ARHGAP31: variants seen among roughly 807,000 people sequenced by gnomAD.
The protein encoded by ARHGAP31 is Rho GTPase activating protein 31, also known as rho GTPase-activating protein 31.
ARHGAP31 carries 34 observed loss-of-function variants against 113.9 expected under a neutral mutation model. The observed-to-expected ratio is 0.30, with a 90% CI of 0.23 to 0.40. The LOEUF (loss-of-function observed/expected upper bound fraction) is 0.40. ARHGAP31 is among the 10% of genes least tolerant of loss of function. The pLI is 1.00. For missense variants in ARHGAP31, 1,548 were observed against 1,767.1 expected (o/e 0.88, Z 2.22); for synonymous variants, 650 against 684.8 (o/e 0.95, Z 0.79).
chr3:119,348,630 C>T (rs753829355), intron 1 of ARHGAP31, among the ~76,000 whole-genome samples: 7 of 152,158 alleles, frequency 4.6e-5, no homozygotes, highest in Non-Finnish European at 8.8e-5. Context: ...CACATCCTCT[C>T]GTATACTTTA....
chr3:119,317,007 A>C (rs920404563), intron 1 of ARHGAP31, among the ~76,000 whole-genome samples: 1 of 152,134 alleles, frequency 6.6e-6, no homozygotes, highest in Non-Finnish European at 1.5e-5. Flanking sequence ...TTTACTCCAG[A>C]AGCTTTCCTC....
intron 1 of ARHGAP31, among the ~76,000 whole-genome samples, chr3:119,363,918 G>A (rs750507066): frequency 1.3e-5 from 2 of 152,096 alleles, no homozygotes; most frequent in African/African-American, 2.4e-5. Flanking sequence ...TTGTTTGATG[G>A]GTTAGGTTGT....
rs942325642 is a variant in ARHGAP31 at position 119,418,000 on chromosome 3, G to A, written c.*1736G>A. ...CTCCAATGAGAAATTGGGAGCTGAT[G>A]CCCTGCAACAGATATATATTCCTCT... is the stretch of plus-strand genomic sequence containing the variant. On this transcript the variant is annotated 3_prime_UTR_variant, in exon 12 of 12. Transcript: ENST00000264245. The A allele has an allele frequency of 6.6e-6, 1 of 152,046 alleles. No individual in the cohort carries two copies. Among genetic ancestry groups the A allele is most frequent in the Non-Finnish European group, 1.5e-5 (1 of 68,034 alleles). The allele number at this position is 152,046 out of a possible 1,614,324, so 9.4% of individuals were successfully genotyped here.
At chr3:119,400,445 G>A (rs569535528) in intron 9 of ARHGAP31, among the ~76,000 whole-genome samples, 1 of 151,920 alleles carries the variant, frequency 6.6e-6, no homozygotes, top group African/African-American at 2.4e-5. Flanking sequence ...CTGCACTCCA[G>A]CCTGTCTCAA....
chr3:119,364,243 G>A (rs140146110), intron 1 of ARHGAP31, among the ~76,000 whole-genome samples: 64 of 137,826 alleles, frequency 4.6e-4, no homozygotes, highest in Admixed American at 2.1e-3. Context: ...GGATGGAGGT[G>A]GGGGGGCCGT....
At chr3:119,378,303 C>T (rs1317882206) in intron 3 of ARHGAP31, among the ~76,000 whole-genome samples, 1 of 152,022 alleles carries the variant, frequency 6.6e-6, no homozygotes, top group African/African-American at 2.4e-5. Context: ...GTGGCCGGGC[C>T]CCTCCAGAAG....
chr3:119,346,995 T>TGG (rs1012010845), intron 1 of ARHGAP31, among the ~76,000 whole-genome samples: 54 of 152,306 alleles, frequency 3.5e-4, no homozygotes, highest in Non-Finnish European at 5.3e-4. Context: ...GGATAGAGTA[T>TGG]GGAGTGAATA....
At chr3:119,381,768 C>T (rs771854701) in intron 4 of ARHGAP31, among the ~76,000 whole-genome samples, 8 of 152,000 alleles carry the variant, frequency 5.3e-5, no homozygotes, top group East Asian at 1.9e-4. Flanking sequence ...CGGGCGAGCA[C>T]GAGGTCAGGA....
At chr3:119,355,837 A>G (rs1008651602) in intron 1 of ARHGAP31, among the ~76,000 whole-genome samples, 6 of 152,184 alleles carry the variant, frequency 3.9e-5, no homozygotes, top group African/African-American at 1.4e-4. Flanking sequence ...ATGGCTGCAT[A>G]GTATTCCATG....
intron 1 of ARHGAP31, among the ~76,000 whole-genome samples, chr3:119,300,275 T>A (rs1325176966): frequency 6.6e-6 from 1 of 152,212 alleles, no homozygotes; most frequent in East Asian, 1.9e-4. Flanking sequence ...GTGTAGCTAT[T>A]ATCATGGCAC....
intron 1 of ARHGAP31, among the ~76,000 whole-genome samples, chr3:119,316,475 G>A (rs1001366038): frequency 2.0e-5 from 3 of 152,150 alleles, no homozygotes. Context: ...CCTGTGTAGG[G>A]TACACTCAGC....
At chr3:119,401,679 C>G in intron 9 of ARHGAP31, 143 bp from the exon 10 acceptor site, 1 of 760,574 alleles carries the variant, frequency 1.3e-6, no homozygotes, top group Admixed American at 2.0e-5. Flanking sequence ...CCAGATGTTA[C>G]CTGTCTTTAT....
chr3:119,379,487 T>G (rs2107629795), intron 3 of ARHGAP31, among the ~76,000 whole-genome samples: 1 of 152,322 alleles, frequency 6.6e-6, no homozygotes, highest in East Asian at 1.9e-4. Context: ...ACATGCAACA[T>G]GCACACGGCA....
intron 1 of ARHGAP31, among the ~76,000 whole-genome samples, chr3:119,340,273 G>A (rs1005079276): frequency 2.0e-5 from 3 of 152,216 alleles, no homozygotes; most frequent in Admixed American, 6.5e-5. Context: ...TGGCACACAT[G>A]AAGGGTCTAG....
chr3:119,339,665 A>G, intron 1 of ARHGAP31, among the ~76,000 whole-genome samples: 1 of 152,220 alleles, frequency 6.6e-6, no homozygotes, highest in Non-Finnish European at 1.5e-5. Context: ...GAAGCAATGC[A>G]ATGAACGAAA....
intron 3 of ARHGAP31, among the ~76,000 whole-genome samples, chr3:119,369,544 ATTTGT>A (rs2080278819): frequency 6.6e-6 from 1 of 152,200 alleles, no homozygotes; most frequent in Non-Finnish European, 1.5e-5. Context: ...CCTGTAATAA[ATTTGT>A]TTTGAGTATA....
chr3:119,361,123 T>C (rs1225927852), intron 1 of ARHGAP31, among the ~76,000 whole-genome samples: 2 of 152,226 alleles, frequency 1.3e-5, no homozygotes, highest in African/African-American at 4.8e-5. Context: ...TCTGAGACTT[T>C]GAGACTTAAC....
chr3:119,337,502 A>C (rs2079967675), intron 1 of ARHGAP31, among the ~76,000 whole-genome samples: 1 of 152,176 alleles, frequency 6.6e-6, no homozygotes, highest in African/African-American at 2.4e-5. Flanking sequence ...CACAATACTG[A>C]CGGGACCCAA....
At chr3:119,408,633 A>G (rs1476031580) in intron 10 of ARHGAP31, among the ~76,000 whole-genome samples, 1 of 152,250 alleles carries the variant, frequency 6.6e-6, no homozygotes, top group Non-Finnish European at 1.5e-5. Context: ...AGAAATTAGC[A>G]TTTGAACCCA....
Sources: allele counts gnomAD v4.1 joint callset (sites outside exome capture counted in the v4.1 genomes callset), GRCh38; gene constraint gnomAD v4.1.1; transcripts MANE v1.5; gene names NCBI Gene and HGNC (gene_info 2026-07-23, HGNC 2026-07-21).